TMEM144: variants seen among roughly 807,000 people sequenced by gnomAD.
TMEM144 encodes the protein transmembrane protein 144.
In TMEM144, 39 loss-of-function variants were observed where a neutral mutation model predicts 43.6. The observed-to-expected ratio is 0.90, with a 90% CI of 0.69 to 1.17. TMEM144 has a LOEUF of 1.17. Among genes scored for constraint, TMEM144 ranks in the 50% most tolerant of loss-of-function variants. The pLI is 0.00. For missense variants in TMEM144, 417 were observed against 411.9 expected, an observed-to-expected ratio of 1.01 and a Z score of -0.11; for synonymous variants, 154 against 133.6, an observed-to-expected ratio of 1.15 and a Z score of -1.06.
intron 8 of TMEM144, among the ~76,000 whole-genome samples, chr4:158,236,627 C>T (rs1215241378): frequency 1.3e-5 from 2 of 151,934 alleles, no homozygotes; most frequent in African/African-American, 4.8e-5. Flanking sequence ...AATTTTTAAG[C>T]TTTGGAGGGA....
intron 2 of TMEM144, 27 bp from the exon 3 acceptor site, chr4:158,212,581 A>T (rs903033123): frequency 1.0e-6 from 1 of 981,072 alleles, no homozygotes; most frequent in Admixed American, 2.6e-5. Flanking sequence ...TCACGTCTCA[A>T]TTGTTTCATT....
chr4:158,241,721 A>G, intron 11 of TMEM144, 115 bp downstream of exon 11: 1 of 723,144 alleles, frequency 1.4e-6, no homozygotes, highest in South Asian at 1.7e-5. Context: ...TTTTAGGAAT[A>G]CAATTAATGG....
chr4:158,223,821 A>T (rs909732811), intron 6 of TMEM144, among the ~76,000 whole-genome samples: 5 of 152,184 alleles, frequency 3.3e-5, no homozygotes, highest in African/African-American at 1.2e-4. Flanking sequence ...ATTGATGGGC[A>T]TTTGGGTTGG....
chr4:158,230,918 A>AG (rs761808061), intron 6 of TMEM144, among the ~76,000 whole-genome samples: 13 of 152,304 alleles, frequency 8.5e-5, no homozygotes, highest in Non-Finnish European at 1.5e-4. Context: ...CCAAAGACCC[A>AG]GGGAAAAAAC....
At chr4:158,243,041 C>G (rs1400351426) in intron 11 of TMEM144, among the ~76,000 whole-genome samples, 1 of 152,172 alleles carries the variant, frequency 6.6e-6, no homozygotes, top group Non-Finnish European at 1.5e-5. Flanking sequence ...AACAATCAGA[C>G]AAGAATCTTC....
At chr4:158,240,961 T>TAA (rs967541267) in intron 10 of TMEM144, among the ~76,000 whole-genome samples, 24 of 152,316 alleles carry the variant, frequency 1.6e-4, no homozygotes, top group African/African-American at 5.8e-4. Context: ...GGTCCACAAG[T>TAA]AAAATTTTTT....
At chr4:158,228,767 C>G (rs551278250) in intron 6 of TMEM144, among the ~76,000 whole-genome samples, 9 of 152,084 alleles carry the variant, frequency 5.9e-5, no homozygotes, top group Non-Finnish European at 1.5e-5. Flanking sequence ...CAGGAGGAGC[C>G]GCAGACAAAA....
At chr4:158,228,611 C>T (rs771569026) in intron 6 of TMEM144, among the ~76,000 whole-genome samples, 9 of 152,142 alleles carry the variant, frequency 5.9e-5, no homozygotes, top group South Asian at 2.1e-4. Flanking sequence ...AATGCCTACC[C>T]GGGAGCGCTC....
At chr4:158,228,370 A>G (rs1734882409) in intron 6 of TMEM144, among the ~76,000 whole-genome samples, 1 of 151,786 alleles carries the variant, frequency 6.6e-6, no homozygotes, top group Non-Finnish European at 1.5e-5. Flanking sequence ...AATTCAAACC[A>G]AGTCAAAACC....
At chr4:158,223,961 G>A (rs1330862066) in intron 6 of TMEM144, among the ~76,000 whole-genome samples, 1 of 152,140 alleles carries the variant, frequency 6.6e-6, no homozygotes, top group African/African-American at 2.4e-5. Context: ...TGGTATTTCT[G>A]GTTCTAGATC....
rs1736315856 is a variant in TMEM144, at chr4:158,253,470, A to AG, written c.981_982insG (p.Leu328AlafsTer17). 6.2e-7 allele frequency: 1 copy of AG among 1,613,614 alleles called. No individual in the cohort carries two copies. Among genetic ancestry groups the AG allele is most frequent in the Non-Finnish European group, 8.5e-7 (1 of 1,179,860 alleles). The stretch of plus-strand genomic sequence containing the variant: ...GTCTACAAAACTACCTATTAATGAT[A>AG]CTTGCATTTTGCATCATCTTGACTG... On this transcript the variant is annotated frameshift_variant, in exon 13 of 13. Transcript: ENST00000296529. LOFTEE classifies it high-confidence loss of function.
At chr4:158,213,635 G>A (rs551628322) in intron 3 of TMEM144, 1 of 152,306 alleles carries the variant, frequency 6.6e-6, no homozygotes, top group South Asian at 2.1e-4. Flanking sequence ...AGAAGCAAGA[G>A]TTATTTGTAT....
chr4:158,212,920 G>A (rs1734032824), intron 3 of TMEM144, 144 bp downstream of exon 3: 1 of 716,216 alleles, frequency 1.4e-6, no homozygotes, highest in African/African-American at 1.8e-5. Flanking sequence ...TCATTTGACA[G>A]TGCTCATACC....
chr4:158,246,174 T>C (rs572367272), intron 12 of TMEM144, among the ~76,000 whole-genome samples: 6 of 152,352 alleles, frequency 3.9e-5, no homozygotes, highest in Non-Finnish European at 8.8e-5. Flanking sequence ...CAGTTACCTT[T>C]ACTTGTAGAA....
chr4:158,252,650 A>G (rs1476985028), intron 12 of TMEM144, among the ~76,000 whole-genome samples: 3 of 151,994 alleles, frequency 2.0e-5, no homozygotes, highest in Non-Finnish European at 4.4e-5. Flanking sequence ...TCTACTAAAA[A>G]TACAAAAATT....
chr4:158,214,356 C>T (rs1284807975), intron 3 of TMEM144, among the ~76,000 whole-genome samples: 2 of 152,190 alleles, frequency 1.3e-5, no homozygotes, highest in Admixed American at 1.3e-4. Context: ...TGGAGATTAG[C>T]AGCCATCTTT....
chr4:158,225,419 C>T (rs1734717026), intron 6 of TMEM144, among the ~76,000 whole-genome samples: 1 of 152,172 alleles, frequency 6.6e-6, no homozygotes, highest in African/African-American at 2.4e-5. Flanking sequence ...TTTATCTAAA[C>T]TACATTTTTA....
intron 6 of TMEM144, among the ~76,000 whole-genome samples, chr4:158,223,862 G>A (rs1451106792): frequency 6.6e-6 from 1 of 152,140 alleles, no homozygotes; most frequent in Non-Finnish European, 1.5e-5. Flanking sequence ...AAATAGTGCT[G>A]CAATAAGCAT....
At chr4:158,250,434 C>T (rs1297082587) in intron 12 of TMEM144, among the ~76,000 whole-genome samples, 1 of 152,034 alleles carries the variant, frequency 6.6e-6, no homozygotes, top group African/African-American at 2.4e-5. Context: ...CAAAATGAAA[C>T]CAGACAAAAG....
Sources: gnomAD v4.1 joint callset for allele counts (sites outside exome capture counted in the v4.1 genomes callset) on GRCh38, gnomAD v4.1.1 for gene constraint, MANE v1.5 for transcripts, NCBI Gene and HGNC (gene_info 2026-07-23, HGNC 2026-07-21) for gene names.